Variants in CCDC91 observed in about 807,000 individuals in gnomAD.
CCDC91 encodes the protein coiled-coil domain-containing protein 91.
In CCDC91, 48 loss-of-function variants were observed where a neutral mutation model predicts 63.2. That is an observed-to-expected ratio of 0.76 (90% CI 0.60 to 0.97). The LOEUF is 0.97. CCDC91 is among the 50% of genes least tolerant of loss of function. The probability of loss-of-function intolerance (pLI) is 0.00; values close to 1 mark genes in which losing one functional copy is unlikely to be tolerated. For missense variants in CCDC91, 500 were observed against 494.6 expected (o/e 1.01, Z -0.10); for synonymous variants, 167 against 165.8 (o/e 1.01, Z -0.06).
chr12:28,200,863 G>A (rs1591954800), intron 1 of CCDC91, among the ~76,000 whole-genome samples: 7 of 150,872 alleles, frequency 4.6e-5, no homozygotes, highest in Middle Eastern at 3.5e-3. Context: ...GGGCAGAGGC[G>A]CCCCTCACCT....
chr12:28,536,040 A>AT (rs1301128056), intron 12 of CCDC91, among the ~76,000 whole-genome samples: 79 of 151,646 alleles, frequency 5.2e-4, no homozygotes, highest in Middle Eastern at 3.4e-3. Context: ...AAAAAAAAAA[A>AT]AAATATATAT....
chr12:28,535,626 C>T (rs1484281438), intron 12 of CCDC91, among the ~76,000 whole-genome samples: 17 of 152,264 alleles, frequency 1.1e-4, no homozygotes, highest in Admixed American at 2.6e-4. Flanking sequence ...TAATATTACT[C>T]CCTAACTTCA....
chr12:28,516,131 A>G (rs1490180444), intron 12 of CCDC91, among the ~76,000 whole-genome samples: 6 of 151,922 alleles, frequency 3.9e-5, no homozygotes, highest in African/African-American at 1.4e-4. Flanking sequence ...GTTTAATATA[A>G]AAGCCTTCAA....
At chr12:28,500,190 T>G (rs542017680) in intron 12 of CCDC91, among the ~76,000 whole-genome samples, 25 of 118,070 alleles carry the variant, frequency 2.1e-4, no homozygotes, top group African/African-American at 5.2e-4. Flanking sequence ...TTTGATGGGG[T>G]TTTTTTTTTT....
rs137925910 is a variant in CCDC91 at position 28,346,402 on chromosome 12, C to T, written c.577-16036C>T. On this transcript the variant is annotated intron_variant, in intron 6 of 12. Coordinates refer to ENST00000536442, the MANE Select transcript of CCDC91 (RefSeq NM_018318.5). The stretch of plus-strand genomic sequence containing the variant: ...CTTGTAAGCCAAGTACTACTCTAAG[C>T]ATTAAGCTATGTTATGATTTAGTTG... 5.5e-4 allele frequency among the ~76,000 whole-genome samples: 84 copies of T among 152,184 alleles called. No homozygotes were observed. The East Asian group carries it at 0.014, about 26-fold the overall frequency.
At chr12:28,531,551 A>ATCAC (rs1286972315) in intron 12 of CCDC91, among the ~76,000 whole-genome samples, 1 of 152,160 alleles carries the variant, frequency 6.6e-6, no homozygotes, top group African/African-American at 2.4e-5. Context: ...AAAGAGTACC[A>ATCAC]TCACTCATGT....
chr12:28,528,731 G>A (rs1941488166), intron 12 of CCDC91, among the ~76,000 whole-genome samples: 1 of 152,124 alleles, frequency 6.6e-6, no homozygotes, highest in South Asian at 2.1e-4. Context: ...CCAGAGGATG[G>A]TTTAGGGGTT....
intron 6 of CCDC91, among the ~76,000 whole-genome samples, chr12:28,361,622 C>T (rs1943893376): frequency 6.6e-6 from 1 of 151,654 alleles, no homozygotes; most frequent in Admixed American, 6.6e-5. Context: ...TTCCGGCTCT[C>T]TTTCATCTGA....
At chr12:28,237,841 T>A (rs1397385888) in intron 1 of CCDC91, among the ~76,000 whole-genome samples, 1 of 152,230 alleles carries the variant, frequency 6.6e-6, no homozygotes, top group Admixed American at 6.5e-5. Context: ...CCCGTCTTAA[T>A]TGACCGGCTC....
intron 3 of CCDC91, among the ~76,000 whole-genome samples, chr12:28,291,019 A>G (rs2136787497): frequency 6.6e-6 from 1 of 152,284 alleles, no homozygotes; most frequent in Non-Finnish European, 1.5e-5. Context: ...AAAAAATGTT[A>G]GGTTGGTGCA....
intron 1 of CCDC91, among the ~76,000 whole-genome samples, chr12:28,223,646 G>A (rs1944091588): frequency 6.6e-6 from 1 of 152,098 alleles, no homozygotes; most frequent in South Asian, 2.1e-4. Flanking sequence ...CTATTATTAT[G>A]TAATTTGATA....
intron 12 of CCDC91, among the ~76,000 whole-genome samples, chr12:28,544,680 A>G (rs1265690649): frequency 6.6e-6 from 1 of 152,044 alleles, no homozygotes. Context: ...TTGGATGTGA[A>G]CAGTCTTCTT....
chr12:28,191,360 C>T (rs1000768215), intron 1 of CCDC91: 1 of 152,286 alleles, frequency 6.6e-6, no homozygotes, highest in African/African-American at 2.4e-5. Flanking sequence ...TGCTGCTACT[C>T]TCACTTGCTT....
intron 1 of CCDC91, among the ~76,000 whole-genome samples, chr12:28,231,137 C>G (rs902929045): frequency 6.6e-6 from 1 of 152,032 alleles, no homozygotes; most frequent in African/African-American, 2.4e-5. Flanking sequence ...TCTAATGATA[C>G]TTTTCTATGT....
intron 3 of CCDC91, among the ~76,000 whole-genome samples, chr12:28,271,344 A>G (rs1457236990): frequency 6.6e-6 from 1 of 151,934 alleles, no homozygotes; most frequent in Non-Finnish European, 1.5e-5. Context: ...ATTGTTTATT[A>G]TATTTTTCCT....
At chr12:28,392,702 C>T (rs529495741) in intron 8 of CCDC91, among the ~76,000 whole-genome samples, 2 of 152,276 alleles carry the variant, frequency 1.3e-5, no homozygotes, top group South Asian at 2.1e-4. Flanking sequence ...ATCTCACAGG[C>T]AAATTAACCT....
intron 1 of CCDC91, chr12:28,255,772 G>A (rs1946404598): frequency 6.6e-6 from 1 of 151,954 alleles, no homozygotes; most frequent in South Asian, 2.1e-4. Context: ...TACCTACTGA[G>A]TTTCTGTGAA....
chr12:28,459,512 A>G (rs1342859767), intron 11 of CCDC91, among the ~76,000 whole-genome samples: 2 of 152,172 alleles, frequency 1.3e-5, no homozygotes, highest in East Asian at 3.8e-4. Context: ...TACCAAGATT[A>G]GAGTTATTTA....
chr12:28,432,028 C>A (rs1212999918), intron 8 of CCDC91, among the ~76,000 whole-genome samples: 1 of 151,210 alleles, frequency 6.6e-6, no homozygotes, highest in Non-Finnish European at 1.5e-5. Flanking sequence ...TAGTAATATG[C>A]GTTTAGGTTT....
Sources: allele counts gnomAD v4.1 joint callset (sites outside exome capture counted in the v4.1 genomes callset), GRCh38; gene constraint gnomAD v4.1.1; transcripts MANE v1.5; gene names NCBI Gene and HGNC (gene_info 2026-07-23, HGNC 2026-07-21).